Variants in GATA6 observed in about 807,000 individuals in gnomAD.
GATA6 encodes transcription factor GATA-6.
Under a neutral mutation model 48.1 loss-of-function variants are expected in GATA6, and 11 were observed. The ratio of observed to expected loss-of-function variants is 0.23; its 90% confidence interval spans 0.14 to 0.38. The LOEUF is 0.38. Ranked by LOEUF, GATA6 falls within the 10% of genes least tolerant of loss-of-function variation. The pLI, the probability that GATA6 is intolerant of heterozygous loss-of-function variation, is 1.00. For missense variants in GATA6, 795 were observed against 850.3 expected, an observed-to-expected ratio of 0.93 and a Z score of 0.81; for synonymous variants, 419 against 396.1, an observed-to-expected ratio of 1.06 and a Z score of -0.69.
At position 22,180,677 on chromosome 18, in the gene GATA6, CTTT is replaced by C. The variant is rs201442589; in HGVS notation, c.1303-766_1303-764del. Among the ~76,000 whole-genome samples, 446 of 146,962 alleles carry C rather than the reference CTTT, an allele frequency of 3.0e-3. 1 individual carries two copies. The highest frequency in any genetic ancestry group is 0.014 in the Middle Eastern group (4 of 284). On this transcript the variant is annotated intron_variant, in intron 3 of 6. Coordinates refer to ENST00000269216, the MANE Select transcript of GATA6 (RefSeq NM_005257.6). ...TTATGGAATGTATTCAAATATATTTCTTTTTTTTTTTTAAAAAAAACTTTTACC... is the reference window on the plus strand; with the variant it reads ...TTATGGAATGTATTCAAATATATTTCTTTTTTTTTAAAAAAAACTTTTACC...
rs1334239842 is a variant in GATA6 at position 22,183,012 on chromosome 18, C to T, written c.1589C>T (p.Thr530Ile). 3 of 1,613,936 alleles carry T rather than the reference C, an allele frequency of 1.9e-6. No individual in the cohort carries two copies. In the South Asian group the frequency reaches 3.3e-5, roughly 18 times the overall value. Reference sequence around the variant, plus strand: ...AACTCAGATGATTGCAGCAAAAATACTTCCCCCACAACACAACCTACAGCC... The same window carrying T: ...AACTCAGATGATTGCAGCAAAAATATTTCCCCCACAACACAACCTACAGCC... Reference protein sequence around the residue: ...SSNSDDCSKNTSPTTQPTASG... With the variant: ...SSNSDDCSKNISPTTQPTASG... Residue 530 changes from threonine (T) to isoleucine (I), a missense_variant, in exon 6 of 7, where the codon ACT (threonine) becomes ATT (isoleucine). By Grantham distance (89) the Thr-to-Ile change is moderately conservative (BLOSUM62 -1). Transcript: ENST00000269216.
At chr18:22,197,773 T>C (rs2033409393) in intron 6 of GATA6, among the ~76,000 whole-genome samples, 1 of 152,044 alleles carries the variant, frequency 6.6e-6, no homozygotes, top group Non-Finnish European at 1.5e-5. Flanking sequence ...GGACAGGACT[T>C]GAGAGTCCAA....
At chr18:22,183,364 A>AT (rs968079455) in intron 6 of GATA6, among the ~76,000 whole-genome samples, 5 of 152,156 alleles carry the variant, frequency 3.3e-5, no homozygotes, top group African/African-American at 1.2e-4. Context: ...TATATATTAT[A>AT]TGTGTATATT....
chr18:22,172,297 G>A lies in GATA6; in HGVS notation c.1135+18G>A. On this transcript the variant is annotated intron_variant, in intron 2 of 6. Coordinates refer to ENST00000269216, the MANE Select transcript of GATA6 (RefSeq NM_005257.6). This position sits in a 1 kb window ranked among gnomAD's most constrained non-coding sequence, Gnocchi z 5.2. ...CAGTGCAGGTAAGGGTCGCGCCTCA[G>A]GTTCGGGGTGCGGGTCCAAAGCGCT... 1 of 1,530,422 alleles carries A rather than the reference G, an allele frequency of 6.5e-7. No homozygotes were observed. The highest frequency in any genetic ancestry group is 8.7e-7 in the Non-Finnish European group (1 of 1,144,636). 94.8% of individuals were successfully genotyped at this position (1,530,422 alleles called of 1,614,324 possible).
In GATA6 at chr18:22,183,028, A is replaced by G. The variant is rs117646477; in HGVS notation, c.1605A>G (p.Gln535=). The G allele has an allele frequency of 9.3e-4, 1,492 of 1,612,286 alleles. 12 individuals carry two copies. The highest frequency in any genetic ancestry group is 6.2e-3 in the South Asian group (564 of 91,056). The part of the protein sequence containing the change: ...DCSKNTSPTT[Q]PTASGAGAPV... ...GCAAAAATACTTCCCCCACAACACA[A>G]CCTACAGCCTCAGGGGTAAGTATTA... The change falls in exon 6 of 7, where the codon CAA becomes CAG. Residue 535 remains glutamine (Q), a synonymous_variant. Transcript: ENST00000269216.
intron 6 of GATA6, among the ~76,000 whole-genome samples, chr18:22,184,794 T>C (rs542235099): frequency 6.6e-6 from 1 of 152,262 alleles, no homozygotes; most frequent in Non-Finnish European, 1.5e-5. Flanking sequence ...TCACCGCGCC[T>C]GGCCTAAAAA....
rs762829967 is a variant in GATA6, at chr18:22,184,171, TG to T, written c.1620+1130del. 1.7e-4 allele frequency among the ~76,000 whole-genome samples: 26 copies of T among 152,326 alleles called. No individual in the cohort carries two copies. In the Middle Eastern group the frequency reaches 0.01, roughly 60 times the overall value. ...TGGTTTCTTTCCACTGTATTTTTAC[TG>T]GCTTTAACAAACAAAAATTAAATAT... On this transcript the variant is annotated intron_variant, in intron 6 of 6. Coordinates refer to ENST00000269216, the MANE Select transcript of GATA6 (RefSeq NM_005257.6).
In GATA6 at chr18:22,202,313, T is replaced by C. The variant is rs2033472936; in HGVS notation, c.*1490T>C. On this transcript the variant is annotated 3_prime_UTR_variant, in exon 7 of 7. Coordinates refer to ENST00000269216, the MANE Select transcript of GATA6 (RefSeq NM_005257.6). ...AGATTTTTTTTCTTTGTGAATGAAA[T>C]ATATTCTGGCCCACGAACAGGGCGA... 6.6e-6 allele frequency: 1 copy of C among 152,158 alleles called. No individual in the cohort carries two copies. Among genetic ancestry groups the C allele is most frequent in the Non-Finnish European group, 1.5e-5 (1 of 68,034 alleles). 9.4% of individuals were successfully genotyped at this position (152,158 alleles called of 1,614,324 possible).
chr18:22,199,857 C>T (rs565364886), intron 6 of GATA6, among the ~76,000 whole-genome samples: 11 of 139,252 alleles, frequency 7.9e-5, no homozygotes, highest in Non-Finnish European at 1.5e-4. Context: ...GAGCTGAGAT[C>T]GTGCCACTGT....
intron 6 of GATA6, among the ~76,000 whole-genome samples, chr18:22,197,274 C>T (rs553145307): frequency 7.2e-6 from 1 of 139,124 alleles, no homozygotes; most frequent in African/African-American, 3.0e-5. Flanking sequence ...TGGTCTCAAA[C>T]TCCTGACCTA....
intron 3 of GATA6, chr18:22,180,118 A>G (rs886139533): frequency 1.3e-5 from 2 of 151,110 alleles, no homozygotes; most frequent in African/African-American, 2.4e-5. Flanking sequence ...TTTTTTAACT[A>G]TGGAAGGCTT....
At position 22,171,816 on chromosome 18, in the gene GATA6, C is replaced by T. The variant is rs2033054294; in HGVS notation, c.672C>T (p.Gly224=). The stretch of plus-strand genomic sequence containing the variant: ...CGGGCGGCGCGGGCGCGCACCCCGG[C>T]TGGCCTCAGGCCTCGGCCGACAGCC... The part of the protein sequence containing the change: ...NHAGGAGAHP[G]WPQASADSPP... The change falls in exon 2 of 7, where the codon GGC becomes GGT. Residue 224 remains glycine, a synonymous_variant. Transcript: ENST00000269216. This position sits in a 1 kb window ranked among gnomAD's most constrained non-coding sequence, Gnocchi z 7.1. 3.1e-6 allele frequency: 4 copies of T among 1,285,018 alleles called. No individual in the cohort carries two copies. In the South Asian group the frequency reaches 1.0e-4, roughly 33 times the overall value. 79.6% of individuals were successfully genotyped at this position (1,285,018 alleles called of 1,614,324 possible).
At chr18:22,189,806 G>A (rs1334320982) in intron 6 of GATA6, among the ~76,000 whole-genome samples, 2 of 152,178 alleles carry the variant, frequency 1.3e-5, no homozygotes, top group African/African-American at 2.4e-5. Flanking sequence ...ATAAGATAGT[G>A]AACATAGGGA....
chr18:22,170,727 C>G lies in GATA6; in HGVS notation c.-37-381C>G, dbSNP rs1043078099. 3.0e-4 allele frequency among the ~76,000 whole-genome samples: 46 copies of G among 151,880 alleles called. No homozygotes were observed. The highest frequency in any genetic ancestry group is 1.0e-3 in the African/African-American group (43 of 41,378). On this transcript the variant is annotated intron_variant, in intron 1 of 6. Transcript: ENST00000269216. This position sits in a 1 kb window ranked among gnomAD's most constrained non-coding sequence, Gnocchi z 6.7. The stretch of plus-strand genomic sequence containing the variant: ...TAAATTCTTTTGTGTGTCATCAGCC[C>G]GGGGGAGACACTTTAGGGCGGAAGG...
At chr18:22,200,107 A>C (rs1275325602) in intron 6 of GATA6, among the ~76,000 whole-genome samples, 2 of 152,056 alleles carry the variant, frequency 1.3e-5, no homozygotes, top group African/African-American at 4.8e-5. Context: ...CTGATCAGGG[A>C]ATGTTGAACT....
At position 22,172,596 on chromosome 18, in the gene GATA6, G is replaced by C. The variant is rs1242646700; in HGVS notation, c.1135+317G>C. Among the ~76,000 whole-genome samples the C allele has an allele frequency of 6.6e-6, 1 of 152,154 alleles. No individual in the cohort carries two copies. The highest frequency in any genetic ancestry group is 1.5e-5 in the Non-Finnish European group (1 of 68,018). On this transcript the variant is annotated intron_variant, in intron 2 of 6. Coordinates refer to ENST00000269216, the MANE Select transcript of GATA6 (RefSeq NM_005257.6). This position sits in a 1 kb window ranked among gnomAD's most constrained non-coding sequence, Gnocchi z 5.2. Reference sequence around the variant, plus strand: ...GAGTAGTGAATGGCATCTGCTATTGGGGAAAAACGAGGCTGGGAGGGAACT... The same window carrying C: ...GAGTAGTGAATGGCATCTGCTATTGCGGAAAAACGAGGCTGGGAGGGAACT...
rs372435243 is a variant in GATA6, at chr18:22,186,641, C to T, written c.1620+3598C>T. 5.3e-4 allele frequency among the ~76,000 whole-genome samples: 80 copies of T among 152,238 alleles called. No individual in the cohort carries two copies. The Middle Eastern group carries it at 0.014, about 26-fold the overall frequency. On this transcript the variant is annotated intron_variant, in intron 6 of 6. Transcript: ENST00000269216. ...GCTGAGTATTGTGGAAGGGGTCTAT[C>T]GTGGTTGTCTGCTTCTGGGAGAGGG...
In GATA6 at chr18:22,170,847, A is replaced by C; in HGVS notation, c.-37-261A>C. ...GGGGGTGGGCGGGGAGGACGCGGGG[A>C]CCGGAGCGGTGCCTTTGAGGGAGGG... On this transcript the variant is annotated intron_variant, in intron 1 of 6. Coordinates refer to ENST00000269216, the MANE Select transcript of GATA6 (RefSeq NM_005257.6). The surrounding 1 kb of genome is among the most constrained non-coding windows in gnomAD (Gnocchi z 6.7). 2.0e-6 allele frequency: 1 copy of C among 489,738 alleles called. No homozygotes were observed. The highest frequency in any genetic ancestry group is 3.6e-6 in the Non-Finnish European group (1 of 274,078). The allele number at this position is 489,738 out of a possible 1,614,324, so 30.3% of individuals were successfully genotyped here. A position where few individuals can be genotyped will look rare whatever the true frequency, so the allele number is the denominator to read the frequency against.
rs1464100276 is a variant in GATA6, at chr18:22,185,054, G to C, written c.1620+2011G>C. Among the ~76,000 whole-genome samples, 1 of 152,170 alleles carries C rather than the reference G, an allele frequency of 6.6e-6. No homozygotes were observed. Among genetic ancestry groups the C allele is most frequent in the African/African-American group, 2.4e-5 (1 of 41,438 alleles). On this transcript the variant is annotated intron_variant, in intron 6 of 6. Coordinates refer to ENST00000269216, the MANE Select transcript of GATA6 (RefSeq NM_005257.6). This position sits in a 1 kb window ranked among gnomAD's most constrained non-coding sequence, Gnocchi z 4.3. Reference sequence around the variant, plus strand: ...CGGGGACTTGGAACCATTGTGGGTGGAGTCTTGTGATTTTGTGACGTAAAA... The same window carrying C: ...CGGGGACTTGGAACCATTGTGGGTGCAGTCTTGTGATTTTGTGACGTAAAA...
Sources: gnomAD v4.1 joint callset for allele counts (sites outside exome capture counted in the v4.1 genomes callset) on GRCh38, gnomAD v4.1.1 for gene constraint, Gnocchi (gnomAD v3.1) non-coding constraint, MANE v1.5 for transcripts, NCBI Gene and HGNC (gene_info 2026-07-23, HGNC 2026-07-21) for gene names.